Variants in ASTN1 observed in about 807,000 individuals in gnomAD.
ASTN1 encodes astrotactin 1.
Under a neutral mutation model 140.7 loss-of-function variants are expected in ASTN1, and 41 were observed. The observed-to-expected ratio is 0.29, with a 90% confidence interval of 0.23 to 0.38. ASTN1 has a LOEUF of 0.38. Among genes scored for constraint, ASTN1 ranks in the 10% least tolerant of loss-of-function variants. The pLI, the probability that ASTN1 is intolerant of heterozygous loss-of-function variation, is 1.00. For missense variants in ASTN1, 1,479 were observed against 1,678.8 expected (o/e 0.88, Z 2.08); for synonymous variants, 640 against 652.2 (o/e 0.98, Z 0.29).
intron 14 of ASTN1, among the ~76,000 whole-genome samples, chr1:176,941,109 T>C (rs926334236): frequency 3.3e-5 from 5 of 152,240 alleles, no homozygotes; most frequent in Non-Finnish European, 7.3e-5. Context: ...GCTAAATTTA[T>C]GGGAATTATG....
intron 15 of ASTN1, chr1:176,935,950 TA>T: frequency 2.5e-6 from 1 of 398,278 alleles, no homozygotes; most frequent in Non-Finnish European, 4.8e-6. Flanking sequence ...TCTCAATTTG[TA>T]AAAAATCTGC....
intron 8 of ASTN1, among the ~76,000 whole-genome samples, chr1:176,974,244 C>A (rs1673266287): frequency 6.6e-6 from 1 of 152,100 alleles, no homozygotes; most frequent in Non-Finnish European, 1.5e-5. Context: ...ATATTATCTA[C>A]CTCATCAACT....
chr1:176,946,125 C>A lies in ASTN1; in HGVS notation c.2055-5G>T. 1 of 1,584,064 alleles carries A rather than the reference C, an allele frequency of 6.3e-7. No homozygotes were observed. Among genetic ancestry groups the A allele is most frequent in the Non-Finnish European group, 8.6e-7 (1 of 1,159,304 alleles). On this transcript the variant is annotated splice_region_variant and splice_polypyrimidine_tract_variant and intron_variant, in intron 12 of 22. Transcript: ENST00000361833. ...AGCTTGTAGTCCTCGATGCACCTAG[C>A]ACAGAGGAGAGCTCAATATAAGAAG...
intron 1 of ASTN1, among the ~76,000 whole-genome samples, chr1:177,073,833 CATCT>C (rs1379320240): frequency 1.3e-5 from 2 of 151,466 alleles, no homozygotes; most frequent in Admixed American, 6.6e-5. Flanking sequence ...ATAACACAAA[CATCT>C]ATCAAAGGGC....
At chr1:176,941,334 T>G (rs1317625132) in intron 14 of ASTN1, among the ~76,000 whole-genome samples, 2 of 152,168 alleles carry the variant, frequency 1.3e-5, no homozygotes, top group Non-Finnish European at 2.9e-5. Flanking sequence ...TGGTACCACT[T>G]CTTAACAAAA....
At chr1:177,096,107 T>C (rs963015442) in intron 1 of ASTN1, among the ~76,000 whole-genome samples, 3 of 152,202 alleles carry the variant, frequency 2.0e-5, no homozygotes, top group Non-Finnish European at 4.4e-5. Context: ...GGAATGAAAA[T>C]GTCTATCCTA....
intron 7 of ASTN1, among the ~76,000 whole-genome samples, chr1:177,022,477 A>G (rs1485982969): frequency 6.6e-6 from 1 of 152,186 alleles, no homozygotes; most frequent in Non-Finnish European, 1.5e-5. Context: ...TGAAAGTGCA[A>G]AGCAAACTGA....
chr1:176,941,522 A>G (rs1571542697), intron 14 of ASTN1, among the ~76,000 whole-genome samples: 1 of 152,190 alleles, frequency 6.6e-6, no homozygotes, highest in East Asian at 1.9e-4. Flanking sequence ...AATGGGCCAA[A>G]TTAGGAGGTC....
intron 8 of ASTN1, among the ~76,000 whole-genome samples, chr1:176,980,099 C>A (rs1387052397): frequency 2.0e-5 from 3 of 152,022 alleles, no homozygotes; most frequent in Non-Finnish European, 4.4e-5. Context: ...GTAGGTATGA[C>A]CATAAAAGCA....
chr1:176,981,361 G>C (rs1220599253), intron 8 of ASTN1: 1 of 150,854 alleles, frequency 6.6e-6, no homozygotes, highest in Non-Finnish European at 1.5e-5. Context: ...GTTGAATTTT[G>C]TCCCCCCAAA....
Position 177,032,448 on chromosome 1 carries a change from A to G in ASTN1, c.865+8T>C, listed in dbSNP as rs753937961. On this transcript the variant is annotated splice_region_variant and intron_variant, in intron 3 of 22. Coordinates refer to ENST00000361833, the MANE Select transcript of ASTN1 (RefSeq NM_004319.3). ...CCAAACAGCCCCTTGCCTTTCTCCC[A>G]TCCCCACCTGGTGTGAGGTCCATCC... The G allele has an allele frequency of 1.9e-6, 3 of 1,610,948 alleles. No individual in the cohort carries two copies. Among genetic ancestry groups the G allele is most frequent in the Non-Finnish European group, 2.5e-6 (3 of 1,178,180 alleles).
chr1:177,134,338 G>T (rs926791176), intron 1 of ASTN1, among the ~76,000 whole-genome samples: 16 of 152,170 alleles, frequency 1.1e-4, no homozygotes, highest in South Asian at 4.1e-4. Context: ...CATTGCACGG[G>T]TCTAATCAGC....
intron 17 of ASTN1, among the ~76,000 whole-genome samples, chr1:176,894,128 C>T (rs753668816): frequency 6.6e-6 from 1 of 152,176 alleles, no homozygotes; most frequent in Non-Finnish European, 1.5e-5. Flanking sequence ...CTGATATGCT[C>T]CTTCTAGTCC....
chr1:176,904,609 C>T (rs1241516857), intron 16 of ASTN1, among the ~76,000 whole-genome samples: 2 of 152,208 alleles, frequency 1.3e-5, no homozygotes, highest in African/African-American at 4.8e-5. Context: ...GAAAGAGCCT[C>T]CCGTGCACTT....
intron 16 of ASTN1, among the ~76,000 whole-genome samples, chr1:176,895,730 T>TA (rs1196349040): frequency 6.6e-6 from 1 of 152,216 alleles, no homozygotes; most frequent in Non-Finnish European, 1.5e-5. Context: ...TTGTTCTTTA[T>TA]ACAAGAAAGC....
intron 7 of ASTN1, among the ~76,000 whole-genome samples, chr1:177,017,010 G>T (rs1484285632): frequency 2.0e-5 from 3 of 152,118 alleles, no homozygotes; most frequent in Admixed American, 2.0e-4. Context: ...ATTAGGGATT[G>T]ACAAAAATGG....
At chr1:177,149,471 GTA>G (rs1279436458) in intron 1 of ASTN1, among the ~76,000 whole-genome samples, 8 of 46,942 alleles carry the variant, frequency 1.7e-4, no homozygotes, top group African/African-American at 7.4e-4. Context: ...TATATATATA[GTA>G]TATATATAGT....
At chr1:177,130,495 A>T (rs1681890750) in intron 1 of ASTN1, among the ~76,000 whole-genome samples, 1 of 152,120 alleles carries the variant, frequency 6.6e-6, no homozygotes, top group South Asian at 2.1e-4. Context: ...CTTCTTTTCT[A>T]ATGATTTAGG....
intron 1 of ASTN1, among the ~76,000 whole-genome samples, chr1:177,116,415 C>T (rs1681094618): frequency 6.6e-6 from 1 of 152,088 alleles, no homozygotes; most frequent in Non-Finnish European, 1.5e-5. Flanking sequence ...TTTTTCTATA[C>T]TATGGACAAC....
Sources: allele counts gnomAD v4.1 joint callset (sites outside exome capture counted in the v4.1 genomes callset), GRCh38; gene constraint gnomAD v4.1.1; transcripts MANE v1.5; gene names NCBI Gene and HGNC (gene_info 2026-07-23, HGNC 2026-07-21).